Variants in FBXO44 observed in about 807,000 individuals in gnomAD.
The protein encoded by FBXO44 is F-box only protein 44.
FBXO44 carries 25 observed loss-of-function variants against 33.5 expected under a neutral mutation model. The observed-to-expected ratio is 0.75, with a 90% CI of 0.54 to 1.04. The LOEUF (loss-of-function observed/expected upper bound fraction) is 1.04. Among genes scored for constraint, FBXO44 ranks in the 50% least tolerant of loss-of-function variants. FBXO44 has a pLI of 0.00. For missense variants in FBXO44, 311 were observed against 344.0 expected (o/e 0.90, Z 0.76); for synonymous variants, 147 against 152.8 (o/e 0.96, Z 0.28).
intron 4 of FBXO44, 47 bp downstream of exon 4, chr1:11,658,675 G>GCCCCCCCCCCCCCCCCCCC: frequency 6.3e-7 from 1 of 1,594,528 alleles, no homozygotes; most frequent in Non-Finnish European, 8.5e-7. Context: ...CCAATCAGGC[G>GCCCCCCCCCCCCCCCCCCC]CCCCACCCCC....
upstream of FBXO44, chr1:11,654,456 T>TAA: frequency 8.9e-7 from 1 of 1,119,532 alleles, no homozygotes; most frequent in Non-Finnish European, 1.2e-6. Context: ...CCGCGCCTCT[T>TAA]AAAGGCCCCC....
At chr1:11,657,335 A>G (rs940867566) in intron 2 of FBXO44, among the ~76,000 whole-genome samples, 7 of 152,202 alleles carry the variant, frequency 4.6e-5, no homozygotes, top group Non-Finnish European at 7.3e-5. Context: ...AGAGGAGACA[A>G]CTGAGGCTCA....
chr1:11,658,675 GC>G, intron 4 of FBXO44, 47 bp downstream of exon 4: 1 of 1,594,530 alleles, frequency 6.3e-7, no homozygotes, highest in Non-Finnish European at 8.5e-7. Context: ...CCAATCAGGC[GC>G]CCCACCCCCG....
chr1:11,660,423 G>C (rs1196527991), intron 5 of FBXO44, among the ~76,000 whole-genome samples: 1 of 152,158 alleles, frequency 6.6e-6, no homozygotes, highest in Non-Finnish European at 1.5e-5. Context: ...GCCTCCCAAA[G>C]TTCTGGGATT....
rs1002952831 is a variant in FBXO44 at position 11,662,157 on chromosome 1, A to G, written c.*884A>G. ...TTCCAAGCCCCCACCCCACCCCTAG[A>G]ACTGCCATTCCCAAGACCTCTGTCT... On this transcript the variant is annotated 3_prime_UTR_variant, in exon 6 of 6. Transcript: ENST00000251547. 2 of 150,844 alleles carry G rather than the reference A, an allele frequency of 1.3e-5. No homozygotes were observed. The highest frequency in any genetic ancestry group is 4.9e-5 in the African/African-American group (2 of 40,970). 9.3% of individuals were successfully genotyped at this position (150,844 alleles called of 1,614,324 possible).
In FBXO44 at chr1:11,661,239, A is replaced by ACAG. The variant is rs1557665202; in HGVS notation, c.740_742dup (p.Ser247dup). 6.2e-7 allele frequency: 1 copy of ACAG among 1,614,038 alleles called. No homozygotes were observed. The highest frequency in any genetic ancestry group is 8.5e-7 in the Non-Finnish European group (1 of 1,180,032). Reference sequence around the variant, plus strand: ...GGCTGGTACGGCCCGAGGGTCACCAACAGCAGCATCACCATCGGGCCCCCG... The same window carrying ACAG: ...GGCTGGTACGGCCCGAGGGTCACCAACAGCAGCAGCATCACCATCGGGCCCCCG... On this transcript the variant is annotated inframe_insertion, in exon 6 of 6. Coordinates refer to ENST00000251547, the MANE Select transcript of FBXO44 (RefSeq NM_033182.7). The surrounding 1 kb of genome is among the most constrained non-coding windows in gnomAD (Gnocchi z 4.4).
In FBXO44 at chr1:11,661,410, G is replaced by A. The variant is rs1640182902; in HGVS notation, c.*137G>A. ...TTGCCCCTAGCAGCCTCTTCTTTGTGGAGCCTCTCAGTGTGGGCAGCCCTC... is the reference window on the plus strand; with the variant it reads ...TTGCCCCTAGCAGCCTCTTCTTTGTAGAGCCTCTCAGTGTGGGCAGCCCTC... On this transcript the variant is annotated 3_prime_UTR_variant, in exon 6 of 6. Coordinates refer to ENST00000251547, the MANE Select transcript of FBXO44 (RefSeq NM_033182.7). This position sits in a 1 kb window ranked among gnomAD's most constrained non-coding sequence, Gnocchi z 4.4. 9.7e-6 allele frequency: 13 copies of A among 1,342,946 alleles called. No homozygotes were observed. The South Asian group carries it at 1.7e-4, about 17-fold the overall frequency. 83.2% of individuals were successfully genotyped at this position (1,342,946 alleles called of 1,614,324 possible). A position where few individuals can be genotyped will look rare whatever the true frequency, so the allele number is the denominator to read the frequency against.
chr1:11,658,107 C>T (rs1384931466), intron 2 of FBXO44, among the ~76,000 whole-genome samples, 160 bp from the exon 3 acceptor site: 1 of 152,170 alleles, frequency 6.6e-6, no homozygotes, highest in African/African-American at 2.4e-5. Flanking sequence ...ACACAGGAAG[C>T]ACCTAATACG....
chr1:11,658,170 G>A (rs776379712), intron 2 of FBXO44, 97 bp from the exon 3 acceptor site: 9 of 1,583,878 alleles, frequency 5.7e-6, no homozygotes, highest in South Asian at 1.1e-5. Context: ...GAGGGCAGCC[G>A]CCAAGATGCA....
chr1:11,656,176 T>A lies in FBXO44; in HGVS notation c.265+76T>A, dbSNP rs1001074408. On this transcript the variant is annotated intron_variant, in intron 2 of 5. Coordinates refer to ENST00000251547, the MANE Select transcript of FBXO44 (RefSeq NM_033182.7). ...AGGAACATGTATTGAGCACTTAGTATGAGCCGGGTACTTTGGATGGTTTAA... is the reference window on the plus strand; with the variant it reads ...AGGAACATGTATTGAGCACTTAGTAAGAGCCGGGTACTTTGGATGGTTTAA... 3 of 1,562,040 alleles carry A rather than the reference T, an allele frequency of 1.9e-6. No individual in the cohort carries two copies. The African/African-American group carries it at 4.1e-5, about 21-fold the overall frequency.
At position 11,662,921 on chromosome 1, in the gene FBXO44, C is replaced by A. The variant is rs1055724790; in HGVS notation, c.*1648C>A. The A allele has an allele frequency of 6.6e-6, 1 of 152,062 alleles. No individual in the cohort carries two copies. The highest frequency in any genetic ancestry group is 2.4e-5 in the African/African-American group (1 of 41,358). 9.4% of individuals were successfully genotyped at this position (152,062 alleles called of 1,614,324 possible). A position where few individuals can be genotyped will look rare whatever the true frequency, so the allele number is the denominator to read the frequency against. On this transcript the variant is annotated 3_prime_UTR_variant, in exon 6 of 6. Transcript: ENST00000251547. ...GTTGCTTCCCCTTCACCTTCCACCA[C>A]CATGATTGTAAGTTCCTTTTTTCTT...
At chr1:11,658,198 G>A (rs932465581) in intron 2 of FBXO44, 69 bp from the exon 3 acceptor site, 60 of 1,604,698 alleles carry the variant, frequency 3.7e-5, no homozygotes, top group East Asian at 1.8e-4. Flanking sequence ...GAGTGGGGAG[G>A]AAGGGGCATT....
At chr1:11,660,945 T>C (rs1271340003) in intron 5 of FBXO44, among the ~76,000 whole-genome samples, 185 bp from the exon 6 acceptor site, 1 of 145,648 alleles carries the variant, frequency 6.9e-6, no homozygotes, top group African/African-American at 2.7e-5. Context: ...GCCTGGCTAA[T>C]TTTTTTTTTC....
chr1:11,656,098 A>T lies in FBXO44; in HGVS notation c.263A>T (p.Glu88Val). 6.2e-7 allele frequency: 1 copy of T among 1,613,404 alleles called. No individual in the cohort carries two copies. The highest frequency in any genetic ancestry group is 8.5e-7 in the Non-Finnish European group (1 of 1,179,436). ...HRNLLHNPCA[E>V]EGFEFWSLDV... Reference sequence around the variant, plus strand: ...AACCTCCTGCACAACCCGTGCGCTGAAGGTGGGGTACAGGCCGGGTCTGGC... The same window carrying T: ...AACCTCCTGCACAACCCGTGCGCTGTAGGTGGGGTACAGGCCGGGTCTGGC... Residue 88 changes from glutamate (E) to valine (V), a missense_variant and splice_region_variant, in exon 2 of 6, where the codon GAA becomes GTA. Physicochemically the swap from Glu to Val is moderately radical, Grantham distance 121. Coordinates refer to ENST00000251547, the MANE Select transcript of FBXO44 (RefSeq NM_033182.7).
Position 11,658,792 on chromosome 1 carries a change from C to A in FBXO44, c.545C>A (p.Ser182Ter), listed in dbSNP as rs751144824. The A allele has an allele frequency of 6.2e-7, 1 of 1,613,814 alleles. No individual in the cohort carries two copies. Among genetic ancestry groups the A allele is most frequent in the South Asian group, 1.1e-5 (1 of 91,082 alleles). ...SKYQLCVQLL[S>*]SAHAPLGTFQ... The stretch of plus-strand genomic sequence containing the variant: ...TACCAGCTGTGCGTTCAGCTCCTGT[C>A]GTCCGCGCACGCGCCTCTGGGGACC... Residue 182 changes from serine to a stop codon, truncating the protein, a stop_gained, in exon 5 of 6, where the codon TCG (serine) becomes TAG (stop). Coordinates refer to ENST00000251547, the MANE Select transcript of FBXO44 (RefSeq NM_033182.7). LOFTEE classifies it high-confidence loss of function.
In FBXO44 at chr1:11,660,269, C is replaced by T. The variant is rs55654942; in HGVS notation, c.625-861C>T. ...CCTCTGCCTCCCGGTTCAAACGATT[C>T]TCCTGCCTCAGCCTCCTGAGTAGCT... On this transcript the variant is annotated intron_variant, in intron 5 of 5. Coordinates refer to ENST00000251547, the MANE Select transcript of FBXO44 (RefSeq NM_033182.7). 5.2e-3 allele frequency among the ~76,000 whole-genome samples: 790 copies of T among 152,308 alleles called. 9 individuals carry two copies. The highest frequency in any genetic ancestry group is 0.018 in the African/African-American group (761 of 41,558).
In FBXO44 at chr1:11,661,728, C is replaced by CCTG; in HGVS notation, c.*455_*456insCTG. 6.1e-6 allele frequency: 1 copy of CCTG among 165,246 alleles called. No homozygotes were observed. Among genetic ancestry groups the CCTG allele is most frequent in the Non-Finnish European group, 1.3e-5 (1 of 76,356 alleles). 10.2% of individuals were successfully genotyped at this position (165,246 alleles called of 1,614,324 possible). A position where few individuals can be genotyped will look rare whatever the true frequency, so the allele number is the denominator to read the frequency against. ...GGTGCAGGGAGGTGACCATGTAACT[C>CCTG]TGACCAATCTGGGAAGTGGAGGGTG... is the stretch of plus-strand genomic sequence containing the variant. On this transcript the variant is annotated 3_prime_UTR_variant, in exon 6 of 6. Transcript: ENST00000251547. The surrounding 1 kb of genome is among the most constrained non-coding windows in gnomAD (Gnocchi z 4.4).
chr1:11,654,417 G>T (rs1285382883), upstream of FBXO44: 2 of 1,304,600 alleles, frequency 1.5e-6, no homozygotes, highest in Non-Finnish European at 2.0e-6. Context: ...GAGTCCCGGC[G>T]CTGTCCGCGT....
rs752556096 is a variant in FBXO44 at position 11,655,829 on chromosome 1, A to G, written c.-7A>G. ...AGCTACAGGAGGGTGTCCAGAAGCCACAAGCCATGGCTGTGGGGAACATCA... is the reference window on the plus strand; with the variant it reads ...AGCTACAGGAGGGTGTCCAGAAGCCGCAAGCCATGGCTGTGGGGAACATCA... On this transcript the variant is annotated 5_prime_UTR_variant, in exon 2 of 6. Coordinates refer to ENST00000251547, the MANE Select transcript of FBXO44 (RefSeq NM_033182.7). 4 of 1,612,302 alleles carry G rather than the reference A, an allele frequency of 2.5e-6. No homozygotes were observed. The Admixed American group carries it at 6.7e-5, about 27-fold the overall frequency.
Sources: gnomAD v4.1 joint callset for allele counts (sites outside exome capture counted in the v4.1 genomes callset) on GRCh38, gnomAD v4.1.1 for gene constraint, Gnocchi (gnomAD v3.1) non-coding constraint, MANE v1.5 for transcripts, NCBI Gene and HGNC (gene_info 2026-07-23, HGNC 2026-07-21) for gene names.